The following SEL1L2 variants were observed in gnomAD, a reference collection of about 807,000 sequenced individuals.
The protein encoded by SEL1L2 is SEL1L2 adaptor subunit of SYVN1 ubiquitin ligase, also known as protein sel-1 homolog 2.
SEL1L2 carries 89 observed loss-of-function variants against 98.8 expected under a neutral mutation model. The ratio of observed to expected loss-of-function variants is 0.90; its 90% CI spans 0.76 to 1.07. The LOEUF (loss-of-function observed/expected upper bound fraction) is 1.07, where lower values mean the gene tolerates loss of function less well. SEL1L2 is among the 50% of genes least tolerant of loss of function. The pLI, the probability that SEL1L2 is intolerant of heterozygous loss-of-function variation, is 0.00. For missense variants in SEL1L2, 788 were observed against 812.0 expected, an observed-to-expected ratio of 0.97 and a Z score of 0.36; for synonymous variants, 262 against 278.5, an observed-to-expected ratio of 0.94 and a Z score of 0.59.
In SEL1L2 at chr20:13,915,011, A is replaced by G. The variant is rs2048343177; in HGVS notation, c.387-1067T>C. 6.5e-6 allele frequency: 6 copies of G among 921,550 alleles called. No homozygotes were observed. In the South Asian group the frequency reaches 8.8e-5, roughly 13 times the overall value. The allele number at this position is 921,550 out of a possible 1,614,324, so 57.1% of individuals were successfully genotyped here. ...ACTTTTATAACTTCGTTTTGAAGGT[A>G]AAGACCAGAAAGCGTTAACTTCTAC... On this transcript the variant is annotated intron_variant, in intron 4 of 19. Coordinates refer to ENST00000284951, the MANE Select transcript of SEL1L2 (RefSeq NM_025229.2).
chr20:13,929,796 G>C (rs1268620935), intron 3 of SEL1L2, among the ~76,000 whole-genome samples: 1 of 141,992 alleles, frequency 7.0e-6, no homozygotes, highest in Non-Finnish European at 1.5e-5. Flanking sequence ...CACGTGCCCG[G>C]CCTTTTTTTT....
chr20:13,964,899 T>C (rs1282539609), intron 1 of SEL1L2, among the ~76,000 whole-genome samples: 2 of 152,214 alleles, frequency 1.3e-5, no homozygotes, highest in African/African-American at 2.4e-5. Context: ...ACAGTCTTTC[T>C]TTTTAGACGC....
At chr20:13,944,680 T>G (rs569198948) in intron 2 of SEL1L2, among the ~76,000 whole-genome samples, 1 of 152,338 alleles carries the variant, frequency 6.6e-6, no homozygotes, top group African/African-American at 2.4e-5. Flanking sequence ...CAGTGCAGGT[T>G]ACAGCTGCTG....
intron 1 of SEL1L2, among the ~76,000 whole-genome samples, chr20:13,977,039 A>C (rs2051574899): frequency 6.6e-6 from 1 of 152,204 alleles, no homozygotes; most frequent in East Asian, 1.9e-4. Context: ...GAACAAGGTG[A>C]GCAGGGAAGG....
intron 1 of SEL1L2, among the ~76,000 whole-genome samples, chr20:13,982,454 T>G (rs570901057): frequency 1.5e-5 from 2 of 136,214 alleles, no homozygotes; most frequent in East Asian, 4.2e-4. Context: ...GAGCCTATAG[T>G]GAGTTGTGAT....
intron 1 of SEL1L2, among the ~76,000 whole-genome samples, chr20:13,960,893 A>G (rs1342123348): frequency 6.6e-6 from 1 of 152,186 alleles, no homozygotes; most frequent in Non-Finnish European, 1.5e-5. Flanking sequence ...ATAGATCAGT[A>G]GTTCATTATC....
chr20:13,956,007 C>A, intron 2 of SEL1L2, 69 bp downstream of exon 2: 1 of 795,282 alleles, frequency 1.3e-6, no homozygotes, highest in Non-Finnish European at 2.1e-6. Context: ...TTCTGAGTAT[C>A]CTGAAAAAAC....
intron 18 of SEL1L2, among the ~76,000 whole-genome samples, chr20:13,855,619 G>A (rs1044910880): frequency 5.3e-5 from 8 of 152,168 alleles, no homozygotes; most frequent in African/African-American, 1.9e-4. Context: ...CTGGTTGGTG[G>A]TGAATTTTTT....
At chr20:13,991,862 A>G (rs375601375), upstream of SEL1L2, among the ~76,000 whole-genome samples, 31 of 152,246 alleles carry the variant, frequency 2.0e-4, no homozygotes, top group Middle Eastern at 3.4e-3. Flanking sequence ...ACGTGGTGGT[A>G]TGCGCCTGTA....
At chr20:13,880,017 A>AT (rs1185521584) in intron 10 of SEL1L2, among the ~76,000 whole-genome samples, 1 of 151,986 alleles carries the variant, frequency 6.6e-6, no homozygotes, top group Non-Finnish European at 1.5e-5. Context: ...TTATTGACTT[A>AT]TTTTGTCTCC....
rs188684350 is a variant in SEL1L2, at chr20:13,881,072, T to A, written c.958-3484A>T. Among the ~76,000 whole-genome samples the A allele has an allele frequency of 1.8e-3, 274 of 152,258 alleles. 4 individuals carry two copies. Among genetic ancestry groups the A allele is most frequent in the Admixed American group, 0.016 (251 of 15,286 alleles). ...CTCTGTCGCCAGGCTGGAGGGCAGTTGCGCAATCTCAGCTCACTGTTACCT... is the reference window on the plus strand; with the variant it reads ...CTCTGTCGCCAGGCTGGAGGGCAGTAGCGCAATCTCAGCTCACTGTTACCT... On this transcript the variant is annotated intron_variant, in intron 10 of 19. Transcript: ENST00000284951.
intron 5 of SEL1L2, among the ~76,000 whole-genome samples, chr20:13,908,661 T>C (rs887830124): frequency 6.6e-6 from 1 of 152,238 alleles, no homozygotes; most frequent in Non-Finnish European, 1.5e-5. Context: ...TGAAATTTCC[T>C]CAATTTCCAC....
chr20:13,942,828 C>T (rs1417236050), intron 2 of SEL1L2, among the ~76,000 whole-genome samples: 1 of 151,980 alleles, frequency 6.6e-6, no homozygotes, highest in Non-Finnish European at 1.5e-5. Context: ...TTAAAATTAA[C>T]TGTTTTAGTA....
At chr20:13,871,281 A>G (rs997339426) in intron 12 of SEL1L2, among the ~76,000 whole-genome samples, 7 of 152,186 alleles carry the variant, frequency 4.6e-5, no homozygotes, top group African/African-American at 1.7e-4. Flanking sequence ...ATGCTAAATT[A>G]ATTACTATTT....
At chr20:13,890,375 A>G (rs1239211344) in intron 5 of SEL1L2, among the ~76,000 whole-genome samples, 1 of 152,058 alleles carries the variant, frequency 6.6e-6, no homozygotes, top group Non-Finnish European at 1.5e-5. Context: ...AAGGAGAAAG[A>G]GATTATAAAC....
Position 13,948,868 on chromosome 20 carries a change from G to A in SEL1L2, c.114+7208C>T, listed in dbSNP as rs968948133. ...TCCGTCTCCCTGACCAACTGAAACC[G>A]AGGGTTTATATAGCAGAGAAGAAAT... On this transcript the variant is annotated intron_variant, in intron 2 of 19. Transcript: ENST00000284951. 6.6e-5 allele frequency among the ~76,000 whole-genome samples: 10 copies of A among 152,260 alleles called. No homozygotes were observed. In the East Asian group the frequency reaches 1.2e-3, roughly 18 times the overall value.
At chr20:13,957,548 C>T (rs2050597762) in intron 1 of SEL1L2, among the ~76,000 whole-genome samples, 1 of 152,132 alleles carries the variant, frequency 6.6e-6, no homozygotes, top group Non-Finnish European at 1.5e-5. Flanking sequence ...CATATTTAGT[C>T]CTCTGTCAAA....
chr20:13,866,980 A>C, intron 14 of SEL1L2, 130 bp from the exon 15 acceptor site: 1 of 851,828 alleles, frequency 1.2e-6, no homozygotes, highest in Non-Finnish European at 1.6e-6. Flanking sequence ...AAGTCAAGCT[A>C]CTCTAAATCC....
At chr20:13,888,055 AT>A in intron 6 of SEL1L2, 54 bp from the exon 7 acceptor site, 16 of 1,477,894 alleles carry the variant, frequency 1.1e-5, no homozygotes, top group Non-Finnish European at 1.4e-5. Flanking sequence ...GGCCATTTAA[AT>A]TTGAAACTCA....
Sources: gnomAD v4.1 joint callset for allele counts (sites outside exome capture counted in the v4.1 genomes callset) on GRCh38, gnomAD v4.1.1 for gene constraint, MANE v1.5 for transcripts, NCBI Gene and HGNC (gene_info 2026-07-23, HGNC 2026-07-21) for gene names.